WDFY3: variants seen among roughly 807,000 people sequenced by gnomAD.
The protein encoded by WDFY3 is WD repeat and FYVE domain-containing protein 3.
A neutral mutation model predicts 409.6 loss-of-function variants in WDFY3; 66 were observed. That is an observed-to-expected ratio of 0.16 (90% CI 0.13 to 0.20). The LOEUF (loss-of-function observed/expected upper bound fraction) is 0.20. Among genes scored for constraint, WDFY3 ranks in the 10% least tolerant of loss-of-function variants. The pLI is 1.00. For synonymous variants in WDFY3, 1,521 were observed against 1,537.1 expected, an observed-to-expected ratio of 0.99 and a Z score of 0.25; for missense variants, 3,031 against 4,298.1, an observed-to-expected ratio of 0.71 and a Z score of 8.24.
At chr4:84,740,802 A>T (rs1738276878) in intron 38 of WDFY3, among the ~76,000 whole-genome samples, 1 of 150,862 alleles carries the variant, frequency 6.6e-6, no homozygotes. Flanking sequence ...TACTAAAATC[A>T]TTTTTTTTTG....
At chr4:84,721,274 C>A in intron 47 of WDFY3, 135 bp downstream of exon 47, 1 of 1,214,594 alleles carries the variant, frequency 8.2e-7, no homozygotes, top group Non-Finnish European at 1.1e-6. Context: ...AGTACTGAAC[C>A]CAAAAGGCTG....
intron 7 of WDFY3, among the ~76,000 whole-genome samples, chr4:84,832,023 A>G (rs952042337): frequency 1.6e-4 from 25 of 152,194 alleles, no homozygotes; most frequent in Non-Finnish European, 1.3e-4. Context: ...TCGTATGTCA[A>G]AGAGATAGCT....
Position 84,836,983 on chromosome 4 carries a change from C to G in WDFY3, c.522G>C (p.Gln174His), listed in dbSNP as rs182782213. ...PHVPEAVGGA[Q>H]NELPLAERRG... ...GACGTTCTGCTAGAGGTAGCTCATT[C>G]TGTGCACCTCCAACTGCCTCAGGCA... Residue 174 changes from glutamine to histidine, a missense_variant, in exon 7 of 68, where the codon CAG (glutamine) becomes CAC (histidine). By Grantham distance (24) the Gln-to-His change is conservative. Transcript: ENST00000295888. The G allele has an allele frequency of 5.0e-6, 8 of 1,597,892 alleles. No individual in the cohort carries two copies. Among genetic ancestry groups the G allele is most frequent in the Admixed American group, 3.5e-5 (2 of 57,670 alleles).
intron 25 of WDFY3, among the ~76,000 whole-genome samples, chr4:84,781,722 C>G (rs537959529): frequency 6.6e-6 from 1 of 152,202 alleles, no homozygotes; most frequent in Admixed American, 6.5e-5. Context: ...TCTGAACTTA[C>G]TGCTCACTGC....
intron 56 of WDFY3, among the ~76,000 whole-genome samples, chr4:84,699,889 A>G (rs1410571215): frequency 2.0e-5 from 3 of 151,392 alleles, no homozygotes; most frequent in Admixed American, 1.3e-4. Flanking sequence ...CCCTTTGCCC[A>G]TTTTCCAACT....
intron 56 of WDFY3, among the ~76,000 whole-genome samples, chr4:84,701,153 G>A (rs946911025): frequency 2.6e-5 from 4 of 152,190 alleles, no homozygotes; most frequent in African/African-American, 9.7e-5. Context: ...AAAGGCTATA[G>A]CAGGTATTTG....
At chr4:84,823,659 A>G (rs1243478358) in intron 10 of WDFY3, among the ~76,000 whole-genome samples, 2 of 152,176 alleles carry the variant, frequency 1.3e-5, no homozygotes, top group East Asian at 3.8e-4. Flanking sequence ...ATGGTGACAA[A>G]GCACATAAAA....
intron 45 of WDFY3, among the ~76,000 whole-genome samples, chr4:84,725,305 G>A (rs2149109380): frequency 6.6e-6 from 1 of 152,282 alleles, no homozygotes; most frequent in East Asian, 1.9e-4. Context: ...ATGAGTATTT[G>A]ATATACTCAT....
intron 6 of WDFY3, 119 bp downstream of exon 6, chr4:84,841,035 A>G: frequency 1.2e-6 from 1 of 823,806 alleles, no homozygotes; most frequent in Non-Finnish European, 1.9e-6. Flanking sequence ...AAGTTAGAAG[A>G]ATACAAATGA....
At position 84,702,524 on chromosome 4, in the gene WDFY3, C is replaced by T; in HGVS notation, c.8443-18G>A. ...TGGCCACCCTGTGGGCAGAATAAGA[C>T]ACCTCTCTATTAGAGAACCGTTCCC... On this transcript the variant is annotated intron_variant, in intron 55 of 67. Transcript: ENST00000295888. 6.3e-7 allele frequency: 1 copy of T among 1,579,028 alleles called. No homozygotes were observed.
At chr4:84,845,232 C>T (rs897398985) in intron 5 of WDFY3, among the ~76,000 whole-genome samples, 1 of 152,084 alleles carries the variant, frequency 6.6e-6, no homozygotes, top group African/African-American at 2.4e-5. Context: ...ACGAACACAG[C>T]CAACCTTCAA....
intron 47 of WDFY3, among the ~76,000 whole-genome samples, chr4:84,720,220 C>T (rs973717710): frequency 1.3e-5 from 2 of 152,064 alleles, no homozygotes; most frequent in African/African-American, 4.8e-5. Context: ...GTAATTATGA[C>T]ATGATAATAC....
intron 14 of WDFY3, 195 bp downstream of exon 14, chr4:84,809,692 G>A (rs1379315588): frequency 3.8e-6 from 2 of 520,148 alleles, no homozygotes; most frequent in Non-Finnish European, 6.6e-6. Context: ...TAGTACACAG[G>A]CTTCCATGCT....
chr4:84,907,639 G>A (rs1767215413), intron 2 of WDFY3, among the ~76,000 whole-genome samples: 1 of 152,164 alleles, frequency 6.6e-6, no homozygotes, highest in South Asian at 2.1e-4. Context: ...CACAGACACT[G>A]TGAGATAATA....
chr4:84,881,426 C>T lies in WDFY3; in HGVS notation c.-32+15485G>A, dbSNP rs142790783. On this transcript the variant is annotated intron_variant, in intron 3 of 67. Coordinates refer to ENST00000295888, the MANE Select transcript of WDFY3 (RefSeq NM_014991.6). ...AAGTACTTTGCAAGAAAGACGGCCA[C>T]ATCTTGGGCAAATACTCTTCCTTTC... 5.1e-3 allele frequency among the ~76,000 whole-genome samples: 780 copies of T among 152,246 alleles called. 6 individuals are homozygous for T. The highest frequency in any genetic ancestry group is 0.018 in the African/African-American group (733 of 41,546).
chr4:84,925,565 A>T (rs757707204), intron 2 of WDFY3, among the ~76,000 whole-genome samples: 1 of 152,244 alleles, frequency 6.6e-6, no homozygotes. Flanking sequence ...TAAACAGCAC[A>T]TAAGCAAATG....
At chr4:84,916,396 T>G (rs903516623) in intron 2 of WDFY3, among the ~76,000 whole-genome samples, 1 of 152,230 alleles carries the variant, frequency 6.6e-6, no homozygotes, top group African/African-American at 2.4e-5. Context: ...AAACCAAATG[T>G]GGACTTTACT....
chr4:84,680,158 G>A (rs1251442725), intron 64 of WDFY3, among the ~76,000 whole-genome samples: 2 of 152,170 alleles, frequency 1.3e-5, no homozygotes, highest in Non-Finnish European at 2.9e-5. Flanking sequence ...GAAGGTGCTA[G>A]GATTACAGGC....
At chr4:84,865,078 A>G (rs1030386228) in intron 3 of WDFY3, among the ~76,000 whole-genome samples, 3 of 151,904 alleles carry the variant, frequency 2.0e-5, no homozygotes, top group African/African-American at 7.3e-5. Flanking sequence ...TTGTAGAGAC[A>G]TGGTTTTGTC....
Sources: allele counts gnomAD v4.1 joint callset (sites outside exome capture counted in the v4.1 genomes callset), GRCh38; gene constraint gnomAD v4.1.1; transcripts MANE v1.5; gene names NCBI Gene and HGNC (gene_info 2026-07-23, HGNC 2026-07-21).